The following CHD1 variants were observed in gnomAD, a reference collection of about 807,000 sequenced individuals.
CHD1 encodes the protein ATP-dependent chromatin remodeler CHD1.
A neutral mutation model predicts 224.2 loss-of-function variants in CHD1; 36 were observed. That is an observed-to-expected ratio of 0.16 (90% confidence interval 0.12 to 0.21). The LOEUF is 0.21. Ranked by LOEUF, CHD1 falls within the 10% of genes least tolerant of loss-of-function variation. CHD1 has a pLI of 1.00. For synonymous variants in CHD1, 668 were observed against 658.3 expected (o/e 1.01, Z -0.23); for missense variants, 1,378 against 1,994.8 (o/e 0.69, Z 5.89).
intron 27 of CHD1, 84 bp downstream of exon 27, chr5:98,872,333 C>T: frequency 6.8e-7 from 1 of 1,471,762 alleles, no homozygotes; most frequent in Admixed American, 2.0e-5. Context: ...CAAAACTAGC[C>T]AATAACACCA....
intron 16 of CHD1, 116 bp from the exon 17 acceptor site, chr5:98,888,356 A>G (rs776831146): frequency 4.4e-5 from 35 of 787,206 alleles, no homozygotes; most frequent in Non-Finnish European, 5.9e-5. Context: ...CATGTTAGAA[A>G]ACAACTTATT....
Position 98,876,502 on chromosome 5 carries a change from A to G in CHD1, c.3294T>C (p.Ser1098=). 6.2e-7 allele frequency: 1 copy of G among 1,613,984 alleles called. No homozygotes were observed. The highest frequency in any genetic ancestry group is 8.5e-7 in the Non-Finnish European group (1 of 1,179,868). ...RRSRSRRYSG[S]DSDSISEGKR... is the part of the protein sequence containing the mutation. ...TCCCTTCTGAGATGGAATCACTATC[A>G]GATCCAGAGTATCTCCTACTTCTAC... The change falls in exon 24 of 36, where the codon TCT becomes TCC. Residue 1098 remains serine (S), a synonymous_variant. Transcript: ENST00000614616.
Position 98,876,405 on chromosome 5 carries a change from T to C in CHD1, c.3391A>G (p.Ile1131Val). ...TGTCTTATAACACCTTACCGCCTAA[T>C]TTCTGCATCACTAAATCCTTTAATA... is the stretch of plus-strand genomic sequence containing the variant. Reference protein sequence around the residue: ...ENIKGFSDAEIRRFIKSYKKF... With the variant: ...ENIKGFSDAEVRRFIKSYKKF... Residue 1131 changes from isoleucine to valine, a missense_variant, in exon 24 of 36, where the codon ATT becomes GTT. Transcript: ENST00000614616. The C allele has an allele frequency of 6.2e-7, 1 of 1,613,856 alleles. No homozygotes were observed. Among genetic ancestry groups the C allele is most frequent in the Non-Finnish European group, 8.5e-7 (1 of 1,179,794 alleles).
rs542124737 is a variant in CHD1 at position 98,921,269 on chromosome 5, C to T, written c.53+5065G>A. 1.4e-3 allele frequency among the ~76,000 whole-genome samples: 213 copies of T among 152,288 alleles called. 2 individuals carry two copies. Among genetic ancestry groups the T allele is most frequent in the Admixed American group, 4.1e-3 (63 of 15,290 alleles). ...CTGCTTCCGGAGAAACGAAACTTAC[C>T]TAGCCTCTTGCTAGTCCTGCTCAAG... On this transcript the variant is annotated intron_variant, in intron 2 of 35. Transcript: ENST00000614616.
chr5:98,903,942 G>A, intron 3 of CHD1, 34 bp from the exon 4 acceptor site: 4 of 1,382,638 alleles, frequency 2.9e-6, no homozygotes, highest in Non-Finnish European at 4.0e-6. Context: ...GAATGAAGAA[G>A]TATTAAGAAA....
intron 1 of CHD1, among the ~76,000 whole-genome samples, chr5:98,927,097 T>C (rs1335091490): frequency 6.6e-6 from 1 of 152,116 alleles, no homozygotes; most frequent in African/African-American, 2.4e-5. Context: ...ATTTAACAGG[T>C]AAACGGATAG....
In CHD1 at chr5:98,892,638, C is replaced by A. The variant is rs1367639069; in HGVS notation, c.2067G>T (p.Glu689Asp). Residue 689 changes from glutamate (E) to aspartate (D), a missense_variant, in exon 15 of 36, where the codon GAG becomes GAT. Coordinates refer to ENST00000614616, the MANE Select transcript of CHD1 (RefSeq NM_001270.4). ...CTCGGCGTAACAGAAATGGCTCAAG[C>A]TCCTTGTGAAGGCTTGCATAACCAT... ...REYGYASLHK[E>D]LEPFLLRRVK... 6.2e-7 allele frequency: 1 copy of A among 1,613,800 alleles called. No individual in the cohort carries two copies. Among genetic ancestry groups the A allele is most frequent in the Admixed American group, 1.7e-5 (1 of 60,008 alleles).
chr5:98,911,742 A>T (rs1018171369), intron 2 of CHD1, among the ~76,000 whole-genome samples: 4 of 152,202 alleles, frequency 2.6e-5, no homozygotes, highest in Admixed American at 2.6e-4. Flanking sequence ...TGATAAGTGA[A>T]TACCAGAAAA....
chr5:98,911,684 G>A (rs528870009), intron 2 of CHD1, among the ~76,000 whole-genome samples: 128 of 152,230 alleles, frequency 8.4e-4, no homozygotes, highest in Admixed American at 2.2e-3. Flanking sequence ...TACCAACACG[G>A]TTCTCCAGCC....
intron 31 of CHD1, among the ~76,000 whole-genome samples, chr5:98,867,484 T>TA (rs1457974584): frequency 6.6e-6 from 1 of 152,182 alleles, no homozygotes; most frequent in Non-Finnish European, 1.5e-5. Context: ...TTGTATTTTT[T>TA]AAAAAATATA....
At chr5:98,860,734 G>C (rs945005513) in intron 32 of CHD1, 3 of 152,740 alleles carry the variant, frequency 2.0e-5, no homozygotes, top group Non-Finnish European at 4.4e-5. Flanking sequence ...AGGAATGTTA[G>C]GTTCTAAGTT....
intron 13 of CHD1, among the ~76,000 whole-genome samples, chr5:98,894,050 C>CT (rs1443192474): frequency 8.5e-5 from 13 of 152,168 alleles, no homozygotes; most frequent in Non-Finnish European, 1.6e-4. Flanking sequence ...ACTTAGGTCT[C>CT]TGAGTTAGAG....
chr5:98,891,321 T>C (rs1432773000), intron 15 of CHD1, among the ~76,000 whole-genome samples: 3 of 152,112 alleles, frequency 2.0e-5, no homozygotes, highest in Non-Finnish European at 4.4e-5. Context: ...AAGTGATCTG[T>C]CTGCCTCAGC....
At chr5:98,869,655 CTT>C in intron 30 of CHD1, 97 bp downstream of exon 30, 1 of 1,257,132 alleles carries the variant, frequency 8.0e-7, no homozygotes, top group Non-Finnish European at 1.1e-6. Context: ...CACACACAGA[CTT>C]CGGTACCTAA....
At chr5:98,867,962 C>G (rs1749023828) in intron 31 of CHD1, among the ~76,000 whole-genome samples, 1 of 151,898 alleles carries the variant, frequency 6.6e-6, no homozygotes. Flanking sequence ...GCCAACACAC[C>G]CAGTTAATTT....
intron 23 of CHD1, among the ~76,000 whole-genome samples, chr5:98,879,133 C>T (rs1440959078): frequency 5.3e-5 from 8 of 152,078 alleles, no homozygotes; most frequent in Admixed American, 5.2e-4. Flanking sequence ...ATTTGGGAGG[C>T]TGAAGTGGGA....
rs1375863961 is a variant in CHD1, at chr5:98,879,545, A to C, written c.3237+7T>G. ...TTATAGAAATATCTTTAAAATTGCA[A>C]AATCACCTGTTTTGCACAATTTCTC... On this transcript the variant is annotated splice_region_variant and intron_variant, in intron 23 of 35. Transcript: ENST00000614616. 6.3e-7 allele frequency: 1 copy of C among 1,579,692 alleles called. No homozygotes were observed. Among genetic ancestry groups the C allele is most frequent in the African/African-American group, 1.4e-5 (1 of 72,640 alleles).
In CHD1 at chr5:98,897,435, T is replaced by A. The variant is rs576210392; in HGVS notation, c.1366-115A>T. 468 of 711,396 alleles carry A rather than the reference T, an allele frequency of 6.6e-4. 5 individuals carry two copies. In the South Asian group the frequency reaches 9.5e-3, roughly 14 times the overall value. The allele number at this position is 711,396 out of a possible 1,614,324, so 44.1% of individuals were successfully genotyped here. A position where few individuals can be genotyped will look rare whatever the true frequency, so the allele number is the denominator to read the frequency against. On this transcript the variant is annotated intron_variant, in intron 10 of 35. Coordinates refer to ENST00000614616, the MANE Select transcript of CHD1 (RefSeq NM_001270.4). ...TAAATTTCATCTCTAATCATCAAGCTCAGAGATTCCATTACTCAAAATGTA... is the reference window on the plus strand; with the variant it reads ...TAAATTTCATCTCTAATCATCAAGCACAGAGATTCCATTACTCAAAATGTA...
At chr5:98,913,641 T>C (rs1561542436) in intron 2 of CHD1, among the ~76,000 whole-genome samples, 1 of 152,230 alleles carries the variant, frequency 6.6e-6, no homozygotes, top group African/African-American at 2.4e-5. Context: ...TGTATTTATA[T>C]CTGTACACTG....
Sources: gnomAD v4.1 joint callset for allele counts (sites outside exome capture counted in the v4.1 genomes callset) on GRCh38, gnomAD v4.1.1 for gene constraint, MANE v1.5 for transcripts, NCBI Gene and HGNC (gene_info 2026-07-23, HGNC 2026-07-21) for gene names.